Variants in EPHA6 observed in about 807,000 individuals in gnomAD.
The protein encoded by EPHA6 is EPH receptor A6, also known as ephrin type-A receptor 6.
In EPHA6, 50 loss-of-function variants were observed where a neutral mutation model predicts 112.0. That is an observed-to-expected ratio of 0.45 (90% CI 0.36 to 0.56). The LOEUF (loss-of-function observed/expected upper bound fraction) is 0.56. Among genes scored for constraint, EPHA6 ranks in the 20% least tolerant of loss-of-function variants. The probability of loss-of-function intolerance (pLI) is 0.00; values close to 1 mark genes in which losing one functional copy is unlikely to be tolerated. For missense variants in EPHA6, 1,280 were observed against 1,417.4 expected, an observed-to-expected ratio of 0.90 and a Z score of 1.56; for synonymous variants, 529 against 490.7, an observed-to-expected ratio of 1.08 and a Z score of -1.03.
chr3:96,870,508 A>G (rs1047893901), intron 2 of EPHA6, among the ~76,000 whole-genome samples: 6 of 152,108 alleles, frequency 3.9e-5, no homozygotes, highest in Admixed American at 2.6e-4. Flanking sequence ...TTCAAATACT[A>G]AGCTCTTCCA....
At chr3:97,022,957 C>T (rs2044513432) in intron 3 of EPHA6, among the ~76,000 whole-genome samples, 2 of 152,172 alleles carry the variant, frequency 1.3e-5, no homozygotes, top group African/African-American at 4.8e-5. Flanking sequence ...CATATCCTTG[C>T]TTCATCAAAT....
At chr3:96,824,588 G>C (rs753885354) in intron 1 of EPHA6, among the ~76,000 whole-genome samples, 1 of 151,926 alleles carries the variant, frequency 6.6e-6, no homozygotes, top group Non-Finnish European at 1.5e-5. Flanking sequence ...TTGAGAAACA[G>C]GAAACACAAA....
intron 3 of EPHA6, among the ~76,000 whole-genome samples, chr3:97,143,294 T>C (rs562256673): frequency 4.6e-5 from 7 of 151,910 alleles, no homozygotes; most frequent in African/African-American, 1.2e-4. Flanking sequence ...TATATTCATG[T>C]AACAAGCCTG....
intron 3 of EPHA6, among the ~76,000 whole-genome samples, chr3:97,186,131 G>T (rs1037277665): frequency 6.6e-6 from 1 of 151,986 alleles, no homozygotes; most frequent in Non-Finnish European, 1.5e-5. Flanking sequence ...GTTACTGGGT[G>T]CAGCACACCA....
At chr3:97,608,524 G>GGCACAACATTTCATAGTGT (rs1451443394) in intron 12 of EPHA6, among the ~76,000 whole-genome samples, 2 of 151,270 alleles carry the variant, frequency 1.3e-5, no homozygotes, top group African/African-American at 4.8e-5. Flanking sequence ...TATAAAAACA[G>GGCACAACATTTCATAGTGT]GCACAACATT....
rs1366165369 is a variant in EPHA6 at position 96,815,641 on chromosome 3, A to G, written c.385+633A>G. Among the ~76,000 whole-genome samples the G allele has an allele frequency of 3.9e-5, 6 of 152,114 alleles. No individual in the cohort carries two copies. In the East Asian group the frequency reaches 1.2e-3, roughly 29 times the overall value. On this transcript the variant is annotated intron_variant, in intron 1 of 17. Transcript: ENST00000389672. Reference sequence around the variant, plus strand: ...TTTAGGGTGAATTTCCAAGTTGTGAATACCCTATTCATGAAGTCAAGTCAC... The same window carrying G: ...TTTAGGGTGAATTTCCAAGTTGTGAGTACCCTATTCATGAAGTCAAGTCAC...
intron 7 of EPHA6, among the ~76,000 whole-genome samples, chr3:97,469,883 G>C (rs2091171270): frequency 6.6e-6 from 1 of 151,658 alleles, no homozygotes; most frequent in Admixed American, 6.6e-5. Context: ...CTCCTGTGGG[G>C]CTGAAGCCTC....
chr3:97,094,039 G>T lies in EPHA6; in HGVS notation c.1114+106046G>T, dbSNP rs1485024634. Reference sequence around the variant, plus strand: ...AAGTCATGGCCAGATGATCCTCCATGCTGCTGACCCTTACAGCGTTAGAAA... The same window carrying T: ...AAGTCATGGCCAGATGATCCTCCATTCTGCTGACCCTTACAGCGTTAGAAA... On this transcript the variant is annotated intron_variant, in intron 3 of 17. Coordinates refer to ENST00000389672, the MANE Select transcript of EPHA6 (RefSeq NM_001080448.3). Among the ~76,000 whole-genome samples, 4 of 152,062 alleles carry T rather than the reference G, an allele frequency of 2.6e-5. No homozygotes were observed. The East Asian group carries it at 7.7e-4, about 29-fold the overall frequency.
Position 97,752,636 on chromosome 3 carries a change from T to C in EPHA6, c.*3935T>C, listed in dbSNP as rs1217229990. ...GGATGTTGCAAAAGCTATAATATTTTGGGTTCTATCACATAATTGAGAACA... is the reference window on the plus strand; with the variant it reads ...GGATGTTGCAAAAGCTATAATATTTCGGGTTCTATCACATAATTGAGAACA... On this transcript the variant is annotated 3_prime_UTR_variant, in exon 18 of 18. Transcript: ENST00000389672. Among the ~76,000 whole-genome samples, 1 of 152,116 alleles carries C rather than the reference T, an allele frequency of 6.6e-6. No individual in the cohort carries two copies. The highest frequency in any genetic ancestry group is 1.5e-5 in the Non-Finnish European group (1 of 67,966).
rs9829225 is a variant in EPHA6 at position 97,632,202 on chromosome 3, G to A, written c.2575-5671G>A. 9.3e-3 allele frequency among the ~76,000 whole-genome samples: 1,415 copies of A among 151,970 alleles called. 28 individuals carry two copies. The highest frequency in any genetic ancestry group is 0.032 in the African/African-American group (1,326 of 41,470). ...AAATACATCAAGAGAATATCTTACCGCATACTGAAAGTTTGAAAAGCTTCA... is the reference window on the plus strand; with the variant it reads ...AAATACATCAAGAGAATATCTTACCACATACTGAAAGTTTGAAAAGCTTCA... On this transcript the variant is annotated intron_variant, in intron 13 of 17. Coordinates refer to ENST00000389672, the MANE Select transcript of EPHA6 (RefSeq NM_001080448.3).
chr3:97,134,575 G>A (rs2075721314), intron 3 of EPHA6, among the ~76,000 whole-genome samples: 1 of 152,012 alleles, frequency 6.6e-6, no homozygotes, highest in South Asian at 2.1e-4. Flanking sequence ...AACTAACCAA[G>A]TAAAATCATG....
chr3:97,053,282 G>A (rs1576398216), intron 3 of EPHA6, among the ~76,000 whole-genome samples: 1 of 152,094 alleles, frequency 6.6e-6, no homozygotes, highest in African/African-American at 2.4e-5. Context: ...TCTGTAGAGA[G>A]TACTCACAGG....
At chr3:97,293,371 A>G (rs2080761940) in intron 5 of EPHA6, among the ~76,000 whole-genome samples, 1 of 152,068 alleles carries the variant, frequency 6.6e-6, no homozygotes, top group Non-Finnish European at 1.5e-5. Flanking sequence ...CATCCTGGCT[A>G]GCATCCAACT....
intron 2 of EPHA6, among the ~76,000 whole-genome samples, chr3:96,961,481 C>G (rs1398652429): frequency 1.3e-5 from 2 of 152,186 alleles, no homozygotes; most frequent in South Asian, 2.1e-4. Context: ...TCACACCATA[C>G]TCTGAGTTGG....
chr3:97,735,682 C>G (rs2035222570), intron 15 of EPHA6, among the ~76,000 whole-genome samples: 1 of 151,892 alleles, frequency 6.6e-6, no homozygotes, highest in African/African-American at 2.4e-5. Flanking sequence ...GGAACTTAAC[C>G]TCCTCTATAC....
At chr3:97,157,261 T>A (rs1330588908) in intron 3 of EPHA6, among the ~76,000 whole-genome samples, 1 of 152,174 alleles carries the variant, frequency 6.6e-6, no homozygotes, top group Non-Finnish European at 1.5e-5. Context: ...TAACTTATAT[T>A]CTTATTAAAG....
chr3:97,657,166 A>C (rs2094142301), intron 14 of EPHA6, among the ~76,000 whole-genome samples: 1 of 151,892 alleles, frequency 6.6e-6, no homozygotes, highest in Non-Finnish European at 1.5e-5. Context: ...TAAACTTTTT[A>C]AGAGAAGTCA....
intron 3 of EPHA6, among the ~76,000 whole-genome samples, chr3:97,071,972 T>C (rs1323714925): frequency 6.6e-6 from 1 of 152,072 alleles, no homozygotes; most frequent in Admixed American, 6.6e-5. Context: ...ATATGGTGTT[T>C]GGTTTTGCCT....
chr3:97,102,574 G>T (rs780255023), intron 3 of EPHA6, among the ~76,000 whole-genome samples: 2 of 152,076 alleles, frequency 1.3e-5, no homozygotes, highest in Non-Finnish European at 2.9e-5. Flanking sequence ...GAATAGTGCT[G>T]CAATGAAAAT....
Sources: allele counts gnomAD v4.1 joint callset (sites outside exome capture counted in the v4.1 genomes callset), GRCh38; gene constraint gnomAD v4.1.1; transcripts MANE v1.5; gene names NCBI Gene and HGNC (gene_info 2026-07-23, HGNC 2026-07-21).